Variants in CERT1 observed in about 807,000 individuals in gnomAD.
CERT1 encodes the protein ceramide transfer protein.
A neutral mutation model predicts 87.9 loss-of-function variants in CERT1; 31 were observed. The ratio of observed to expected loss-of-function variants is 0.35; its 90% CI spans 0.27 to 0.48. The LOEUF (loss-of-function observed/expected upper bound fraction) is 0.48. Among genes scored for constraint, CERT1 ranks in the 20% least tolerant of loss-of-function variants. The pLI is 0.99. For missense variants in CERT1, 487 were observed against 758.0 expected (o/e 0.64, Z 4.20); for synonymous variants, 289 against 250.9 (o/e 1.15, Z -1.44).
intron 14 of CERT1, among the ~76,000 whole-genome samples, chr5:75,384,367 CTTTAAAAA>C (rs1761703180): frequency 6.6e-6 from 1 of 152,190 alleles, no homozygotes; most frequent in South Asian, 2.1e-4. Context: ...GACCCTGTCT[CTTTAAAAA>C]TAAAAAGTGC....
intron 2 of CERT1, among the ~76,000 whole-genome samples, chr5:75,474,481 T>A (rs750351198): frequency 3.9e-5 from 6 of 152,104 alleles, no homozygotes; most frequent in Non-Finnish European, 8.8e-5. Flanking sequence ...AAGTAGAAGA[T>A]CTGTTCTCTT....
chr5:75,393,825 C>A (rs1249312535), intron 11 of CERT1, among the ~76,000 whole-genome samples: 2 of 151,474 alleles, frequency 1.3e-5, no homozygotes, highest in Admixed American at 1.3e-4. Context: ...ATTAGCTGGG[C>A]GTGGTGGTGC....
intron 3 of CERT1, among the ~76,000 whole-genome samples, chr5:75,442,347 A>T (rs1764357397): frequency 6.6e-6 from 1 of 152,164 alleles, no homozygotes; most frequent in Non-Finnish European, 1.5e-5. Flanking sequence ...TCAGCTCTCA[A>T]GCAGCTGGGA....
At chr5:75,374,534 G>A (rs1761212851), downstream of CERT1, 2 of 718,286 alleles carry the variant, frequency 2.8e-6, no homozygotes, top group East Asian at 2.7e-5. Context: ...TTTGCTGCAC[G>A]AACCGTGCCT....
At chr5:75,479,984 C>T (rs1310913861) in intron 2 of CERT1, among the ~76,000 whole-genome samples, 2 of 152,148 alleles carry the variant, frequency 1.3e-5, no homozygotes, top group Non-Finnish European at 2.9e-5. Flanking sequence ...AATAGCCATT[C>T]TGACAGGTGT....
At chr5:75,463,078 T>A (rs997574029) in intron 2 of CERT1, among the ~76,000 whole-genome samples, 1 of 149,348 alleles carries the variant, frequency 6.7e-6, no homozygotes, top group African/African-American at 2.5e-5. Flanking sequence ...ATGTAGAGTA[T>A]CAAAGGAGAT....
intron 2 of CERT1, among the ~76,000 whole-genome samples, chr5:75,476,048 T>C (rs1018838460): frequency 2.0e-5 from 3 of 152,158 alleles, no homozygotes; most frequent in Admixed American, 6.5e-5. Flanking sequence ...AAAATCAAGT[T>C]TTAAAAAACA....
At chr5:75,389,773 A>G in intron 11 of CERT1, 86 bp from the exon 12 acceptor site, 3 of 1,009,096 alleles carry the variant, frequency 3.0e-6, no homozygotes, top group Non-Finnish European at 4.7e-6. Flanking sequence ...ACTTCAGTTC[A>G]GAAATGGTGC....
chr5:75,475,839 C>T (rs531619641), intron 2 of CERT1, among the ~76,000 whole-genome samples: 1 of 152,182 alleles, frequency 6.6e-6, no homozygotes, highest in South Asian at 2.1e-4. Flanking sequence ...GCAATTTAAA[C>T]TCTCTGAAGT....
At position 75,399,406 on chromosome 5, in the gene CERT1, G is replaced by A. The variant is rs772444087; in HGVS notation, c.1111-19C>T. On this transcript the variant is annotated intron_variant, in intron 10 of 16. Coordinates refer to ENST00000643780, the MANE Select transcript of CERT1 (RefSeq NM_001379029.1). ...TATAGGGCTACCAGAGACAGACAAA[G>A]AAAAAACCAAGTAATCAGAACAAAG... The A allele has an allele frequency of 1.2e-5, 19 of 1,590,172 alleles. 1 individual carries two copies. In the South Asian group the frequency reaches 2.0e-4, roughly 17 times the overall value.
At chr5:75,505,915 G>C in intron 2 of CERT1, 67 bp downstream of exon 2, 1 of 1,271,230 alleles carries the variant, frequency 7.9e-7, no homozygotes, top group Non-Finnish European at 1.1e-6. Context: ...TGAACACGTA[G>C]AACAGTTCCT....
chr5:75,473,403 G>T (rs186224237), intron 2 of CERT1, among the ~76,000 whole-genome samples: 312 of 152,292 alleles, frequency 2.0e-3, no homozygotes, highest in Admixed American at 2.9e-3. Flanking sequence ...GAATTTAAAA[G>T]AAGAAAATGC....
intron 2 of CERT1, among the ~76,000 whole-genome samples, chr5:75,462,906 C>T (rs542055963): frequency 5.4e-5 from 8 of 148,480 alleles, no homozygotes; most frequent in Admixed American, 2.0e-4. Context: ...GCAGGAGAAT[C>T]ACTTGAACCC....
intron 8 of CERT1, among the ~76,000 whole-genome samples, chr5:75,409,819 G>T (rs1044947477): frequency 4.1e-4 from 61 of 150,344 alleles, no homozygotes; most frequent in Non-Finnish European, 1.6e-4. Flanking sequence ...GAACCACCGT[G>T]CTGGCCAACA....
chr5:75,424,930 T>C (rs967603636), intron 5 of CERT1, among the ~76,000 whole-genome samples: 3 of 151,970 alleles, frequency 2.0e-5, no homozygotes, highest in Non-Finnish European at 2.9e-5. Context: ...CTGACCAACA[T>C]AGTGAGACCC....
intron 3 of CERT1, among the ~76,000 whole-genome samples, chr5:75,433,973 C>T (rs147890692): frequency 1.3e-5 from 2 of 152,224 alleles, no homozygotes; most frequent in East Asian, 1.9e-4. Context: ...AATCCAGATG[C>T]CTTTTATTTC....
Position 75,416,864 on chromosome 5 carries a change from A to C in CERT1, c.837+12T>G. 6.4e-7 allele frequency: 1 copy of C among 1,573,618 alleles called. No individual in the cohort carries two copies. Among genetic ancestry groups the C allele is most frequent in the Admixed American group, 2.0e-5 (1 of 48,964 alleles). ...TGTGATTATTTTTAAAAGGAAAAAA[A>C]CCTAGTCTTACCTTATCCAGTCTCT... On this transcript the variant is annotated intron_variant, in intron 7 of 16. Coordinates refer to ENST00000643780, the MANE Select transcript of CERT1 (RefSeq NM_001379029.1).
At chr5:75,511,937 G>C, upstream of CERT1, 1 of 1,021,758 alleles carries the variant, frequency 9.8e-7, no homozygotes, top group Non-Finnish European at 1.4e-6. Context: ...CGCGGGGATC[G>C]CTTGTCCCCT....
chr5:75,499,397 AC>A (rs765305874), intron 2 of CERT1, among the ~76,000 whole-genome samples: 8 of 151,918 alleles, frequency 5.3e-5, no homozygotes, highest in Non-Finnish European at 1.2e-4. Context: ...TGTGGGAGGG[AC>A]CTGTTATGAG....
Sources: allele counts gnomAD v4.1 joint callset (sites outside exome capture counted in the v4.1 genomes callset), GRCh38; gene constraint gnomAD v4.1.1; transcripts MANE v1.5; gene names NCBI Gene and HGNC (gene_info 2026-07-23, HGNC 2026-07-21).